Variants in OR51B5 observed in about 807,000 individuals in gnomAD.
OR51B5 encodes the protein olfactory receptor family 51 subfamily B member 5.
For synonymous variants in OR51B5, 186 were observed against 144.8 expected, an observed-to-expected ratio of 1.28 and a Z score of -2.04; for missense variants, 456 against 374.6, an observed-to-expected ratio of 1.22 and a Z score of -1.79.
intron 1 of OR51B5, among the ~76,000 whole-genome samples, chr11:5,479,518 C>T (rs1352284722): frequency 1.3e-5 from 2 of 149,434 alleles, no homozygotes; most frequent in Non-Finnish European, 3.0e-5. Flanking sequence ...ACAATATTAA[C>T]TTTAAATGTA....
downstream of OR51B5, among the ~76,000 whole-genome samples, chr11:5,341,848 TAAGAATGAGAGCAAGA>T (rs1232970368): frequency 1.4e-4 from 21 of 152,186 alleles, no homozygotes; most frequent in African/African-American, 5.1e-4. Context: ...GGTAGTAGAA[TAAGAATGAGAGCAAGA>T]TAGAAGGAGG....
intron 1 of OR51B5, among the ~76,000 whole-genome samples, chr11:5,451,592 G>T (rs6578647): frequency 6.6e-6 from 1 of 151,980 alleles, no homozygotes; most frequent in Admixed American, 6.5e-5. Context: ...TGTGAGTTAT[G>T]TATTGCTGGG....
chr11:5,480,584 G>T (rs894935188), intron 1 of OR51B5, among the ~76,000 whole-genome samples: 36 of 151,612 alleles, frequency 2.4e-4, no homozygotes, highest in Middle Eastern at 3.4e-3. Context: ...TTTTTTGAAA[G>T]GATCAATAAA....
chr11:5,496,093 C>T (rs1361258938), intron 1 of OR51B5, among the ~76,000 whole-genome samples: 1 of 151,904 alleles, frequency 6.6e-6, no homozygotes, highest in Admixed American at 6.6e-5. Context: ...CTGATTGTGA[C>T]CTAGTGATAT....
chr11:5,422,571 G>C (rs771759879), intron 1 of OR51B5: 1 of 1,614,134 alleles, frequency 6.2e-7, no homozygotes, highest in Non-Finnish European at 8.5e-7. Context: ...TCCGTTGACT[G>C]CTATGTGGCC....
In OR51B5 at chr11:5,476,876, T is replaced by C. The variant is rs1257851122; in HGVS notation, n.84+28693A>G. ...CTAACTAGCTAGGTAAAGTAAAATATCCTCTGAAGTTTACCTAGCACATTA... is the reference window on the plus strand; with the variant it reads ...CTAACTAGCTAGGTAAAGTAAAATACCCTCTGAAGTTTACCTAGCACATTA... On this transcript the variant is annotated intron_variant and non_coding_transcript_variant, in intron 1 of 4. Transcript: ENST00000415970. Among the ~76,000 whole-genome samples the C allele has an allele frequency of 6.6e-5, 10 of 152,242 alleles. No homozygotes were observed. The East Asian group carries it at 1.5e-3, about 24-fold the overall frequency.
downstream of OR51B5, chr11:5,342,515 G>A (rs1263330973): frequency 6.6e-7 from 1 of 1,506,416 alleles, no homozygotes; most frequent in Non-Finnish European, 8.8e-7. Context: ...TGCTAGATAT[G>A]AGACTTCTTT....
intron 1 of OR51B5, among the ~76,000 whole-genome samples, chr11:5,378,145 G>T (rs1849555909): frequency 6.6e-6 from 1 of 151,646 alleles, no homozygotes; most frequent in Admixed American, 6.6e-5. Context: ...AGAGCCCTCA[G>T]AAATAACGAC....
chr11:5,440,835 A>T (rs775289416), intron 1 of OR51B5: 1 of 1,613,852 alleles, frequency 6.2e-7, no homozygotes, highest in Non-Finnish European at 8.5e-7. Context: ...GATGACCAGC[A>T]TGGCTCTCAG....
chr11:5,357,363 TCAAAAGAGA>T (rs1487575808), intron 1 of OR51B5, among the ~76,000 whole-genome samples: 6 of 149,590 alleles, frequency 4.0e-5, no homozygotes, highest in African/African-American at 1.5e-4. Context: ...CCAACAAAGA[TCAAAAGAGA>T]CAAAGAAGGC....
chr11:5,503,031 G>C (rs1440400195), intron 1 of OR51B5, among the ~76,000 whole-genome samples: 1 of 151,986 alleles, frequency 6.6e-6, no homozygotes, highest in African/African-American at 2.4e-5. Context: ...AAGTTAAAAA[G>C]GTAGGTTATG....
intron 1 of OR51B5, among the ~76,000 whole-genome samples, chr11:5,471,080 T>C (rs548997845): frequency 1.3e-5 from 2 of 152,352 alleles, no homozygotes; most frequent in South Asian, 4.1e-4. Context: ...ATTCATTTCA[T>C]TTCTTCTCAT....
upstream of OR51B5, chr11:5,345,844 C>T (rs995986491): frequency 6.7e-5 from 6 of 89,490 alleles, no homozygotes. Flanking sequence ...GGGCGTGAGG[C>T]AACAACTCAG....
chr11:5,341,418 C>T (rs1848889943), downstream of OR51B5: 1 of 152,190 alleles, frequency 6.6e-6, no homozygotes, highest in South Asian at 2.1e-4. Context: ...GTGCACAATT[C>T]TGTAAAATGA....
At chr11:5,461,644 G>A (rs1851055715) in intron 1 of OR51B5, among the ~76,000 whole-genome samples, 1 of 152,194 alleles carries the variant, frequency 6.6e-6, no homozygotes, top group Admixed American at 6.5e-5. Context: ...GCCTTGCACA[G>A]ACTGGAGTTC....
intron 1 of OR51B5, among the ~76,000 whole-genome samples, chr11:5,381,145 C>G (rs993742929): frequency 1.0e-5 from 1 of 98,030 alleles, no homozygotes; most frequent in Non-Finnish European, 2.3e-5. Flanking sequence ...CTCTCTCTGT[C>G]GCTCGCTCGC....
At chr11:5,498,004 A>G (rs1018960755) in intron 1 of OR51B5, among the ~76,000 whole-genome samples, 1 of 151,808 alleles carries the variant, frequency 6.6e-6, no homozygotes, top group Non-Finnish European at 1.5e-5. Context: ...GCTCTTACAA[A>G]CTCTTAGCAT....
intron 1 of OR51B5, among the ~76,000 whole-genome samples, chr11:5,380,302 C>A (rs1480940508): frequency 2.6e-5 from 4 of 152,224 alleles, no homozygotes; most frequent in Non-Finnish European, 4.4e-5. Context: ...GGGGGATGGA[C>A]AAAATGAATT....
intron 1 of OR51B5, among the ~76,000 whole-genome samples, chr11:5,373,561 G>A (rs1298807793): frequency 1.3e-5 from 2 of 152,154 alleles, no homozygotes; most frequent in African/African-American, 2.4e-5. Flanking sequence ...GGGTCATGGA[G>A]TTCCCTTTCC....
Sources: allele counts gnomAD v4.1 joint callset (sites outside exome capture counted in the v4.1 genomes callset), GRCh38; gene constraint gnomAD v4.1.1; transcripts MANE v1.5; gene names NCBI Gene and HGNC (gene_info 2026-07-23, HGNC 2026-07-21).